Variants in TNN observed in about 807,000 individuals in gnomAD.
TNN encodes tenascin N, also known as tenascin-N.
Under a neutral mutation model 134.4 loss-of-function variants are expected in TNN, and 122 were observed. The ratio of observed to expected loss-of-function variants is 0.91; its 90% CI spans 0.78 to 1.06. The LOEUF (loss-of-function observed/expected upper bound fraction) is 1.06, where lower values mean the gene tolerates loss of function less well. Among genes scored for constraint, TNN ranks in the 50% least tolerant of loss-of-function variants. The pLI, the probability that TNN is intolerant of heterozygous loss-of-function variation, is 0.00. For synonymous variants in TNN, 710 were observed against 670.3 expected, an observed-to-expected ratio of 1.06 and a Z score of -0.91; for missense variants, 1,739 against 1,699.4, an observed-to-expected ratio of 1.02 and a Z score of -0.41.
intron 17 of TNN, among the ~76,000 whole-genome samples, chr1:175,137,397 T>TGTGTGTGTGTGA (rs10638677): frequency 0.18 from 26,164 of 149,286 alleles, 2,797 homozygotes; most frequent in Middle Eastern, 0.25. Flanking sequence ...TGTGTGATTA[T>TGTGTGTGTGTGA]TTGAGCTTTT....
intron 9 of TNN, among the ~76,000 whole-genome samples, chr1:175,111,810 T>G (rs1485845875): frequency 6.6e-6 from 1 of 152,118 alleles, no homozygotes; most frequent in Non-Finnish European, 1.5e-5. Context: ...ATTGCTGGTA[T>G]ATAGAAACAC....
intron 17 of TNN, among the ~76,000 whole-genome samples, chr1:175,137,361 G>A (rs1675840499): frequency 6.1e-5 from 3 of 49,042 alleles, no homozygotes; most frequent in South Asian, 1.1e-3. Flanking sequence ...TGTCTGCACA[G>A]TAGTGTGTGT....
chr1:175,121,121 C>A (rs1675364473), intron 11 of TNN, among the ~76,000 whole-genome samples: 1 of 152,176 alleles, frequency 6.6e-6, no homozygotes, highest in Non-Finnish European at 1.5e-5. Flanking sequence ...AAAATATTTT[C>A]TCATTTGGAT....
intron 18 of TNN, among the ~76,000 whole-genome samples, chr1:175,145,539 C>T (rs1894708): frequency 8.2e-6 from 1 of 121,764 alleles, no homozygotes. Flanking sequence ...GGTGGCAGAG[C>T]AAGACCCTGT....
chr1:175,140,487 A>G (rs1400272666), intron 17 of TNN, among the ~76,000 whole-genome samples: 1 of 152,168 alleles, frequency 6.6e-6, no homozygotes, highest in South Asian at 2.1e-4. Context: ...TCCCTTGGCC[A>G]TTACCATTTG....
chr1:175,129,521 T>C (rs1287605670), intron 15 of TNN, among the ~76,000 whole-genome samples: 1 of 151,298 alleles, frequency 6.6e-6, no homozygotes, highest in Non-Finnish European at 1.5e-5. Flanking sequence ...TGAAGGCTTG[T>C]GAGTTGATCA....
At chr1:175,105,011 G>T (rs561519211) in intron 9 of TNN, among the ~76,000 whole-genome samples, 1 of 145,832 alleles carries the variant, frequency 6.9e-6, no homozygotes, top group Non-Finnish European at 1.5e-5. Context: ...ATCCATACTG[G>T]GGATGGCTTG....
chr1:175,096,506 C>A (rs1674575612), intron 7 of TNN, among the ~76,000 whole-genome samples: 1 of 152,114 alleles, frequency 6.6e-6, no homozygotes, highest in Non-Finnish European at 1.5e-5. Context: ...TGGTCCTGTG[C>A]AGGTATGAAA....
intron 9 of TNN, among the ~76,000 whole-genome samples, chr1:175,102,729 C>T (rs1442806132): frequency 6.8e-6 from 1 of 146,268 alleles, no homozygotes; most frequent in Non-Finnish European, 1.5e-5. Context: ...CAGCCTTGGC[C>T]AGCCCAGAAA....
At chr1:175,087,644 A>G (rs1674348984) in intron 6 of TNN, among the ~76,000 whole-genome samples, 1 of 152,188 alleles carries the variant, frequency 6.6e-6, no homozygotes, top group Non-Finnish European at 1.5e-5. Context: ...ATTTTTCCCC[A>G]TACACCAGGG....
In TNN at chr1:175,077,838, C is replaced by T. The variant is rs1160656607; in HGVS notation, c.409+11C>T. The T allele has an allele frequency of 6.2e-7, 1 of 1,602,614 alleles. No homozygotes were observed. The highest frequency in any genetic ancestry group is 8.5e-7 in the Non-Finnish European group (1 of 1,171,318). ...GCCAGGGAGTCACTGGTGAGCTCAC[C>T]ACCTGGTATTCATTCAACAAACATT... On this transcript the variant is annotated intron_variant, in intron 2 of 18. Coordinates refer to ENST00000239462, the MANE Select transcript of TNN (RefSeq NM_022093.2).
chr1:175,102,425 G>A (rs1269515202), intron 9 of TNN, among the ~76,000 whole-genome samples: 1 of 146,210 alleles, frequency 6.8e-6, no homozygotes, highest in Admixed American at 6.8e-5. Flanking sequence ...ATGGCGGGCT[G>A]CAGGTCCCGA....
intron 15 of TNN, among the ~76,000 whole-genome samples, chr1:175,131,145 C>T (rs898390402): frequency 4.6e-5 from 7 of 152,284 alleles, no homozygotes; most frequent in Middle Eastern, 3.4e-3. Flanking sequence ...TCTTCCATCC[C>T]AAGCAACAGG....
intron 1 of TNN, among the ~76,000 whole-genome samples, chr1:175,073,413 TCCC>T (rs372030285): frequency 6.6e-6 from 1 of 152,050 alleles, no homozygotes; most frequent in African/African-American, 2.4e-5. Context: ...GGCTTCCCAC[TCCC>T]CCCATCTTCT....
At chr1:175,142,799 G>A (rs1438896143) in intron 17 of TNN, among the ~76,000 whole-genome samples, 1 of 152,062 alleles carries the variant, frequency 6.6e-6, no homozygotes, top group Non-Finnish European at 1.5e-5. Context: ...TGTATTTTCA[G>A]TAGAGACGGC....
At chr1:175,074,484 GA>G (rs55952749) in intron 1 of TNN, among the ~76,000 whole-genome samples, 49 of 119,040 alleles carry the variant, frequency 4.1e-4, no homozygotes, top group East Asian at 2.1e-3. Flanking sequence ...GATCCTGTCT[GA>G]AAAAAAAAAA....
chr1:175,114,935 C>T (rs1208653409), intron 9 of TNN, among the ~76,000 whole-genome samples: 1 of 152,032 alleles, frequency 6.6e-6, no homozygotes, highest in African/African-American at 2.4e-5. Context: ...GCAGCAGCAG[C>T]AAGCATCCCA....
At chr1:175,104,171 C>T (rs1311634797) in intron 9 of TNN, among the ~76,000 whole-genome samples, 1 of 146,068 alleles carries the variant, frequency 6.8e-6, no homozygotes, top group African/African-American at 2.5e-5. Flanking sequence ...TCCCAGGATT[C>T]CTCGGATGGT....
At chr1:175,111,940 G>C (rs1005344373) in intron 9 of TNN, among the ~76,000 whole-genome samples, 1 of 152,100 alleles carries the variant, frequency 6.6e-6, no homozygotes, top group African/African-American at 2.4e-5. Context: ...TCTGCAAACA[G>C]GGACAATTTG....
Sources: allele counts gnomAD v4.1 joint callset (sites outside exome capture counted in the v4.1 genomes callset), GRCh38; gene constraint gnomAD v4.1.1; transcripts MANE v1.5; gene names NCBI Gene and HGNC (gene_info 2026-07-23, HGNC 2026-07-21).